CCDC171: variants seen among roughly 807,000 people sequenced by gnomAD.
CCDC171 encodes coiled-coil domain-containing protein 171.
Under a neutral mutation model 168.2 loss-of-function variants are expected in CCDC171, and 177 were observed. That is an observed-to-expected ratio of 1.05 (90% CI 0.93 to 1.19). The LOEUF (loss-of-function observed/expected upper bound fraction) is 1.19. CCDC171 is among the 50% of genes most tolerant of loss of function. The probability of loss-of-function intolerance (pLI) is 0.00; values close to 1 mark genes in which losing one functional copy is unlikely to be tolerated. For missense variants in CCDC171, 1,991 were observed against 1,539.0 expected, an observed-to-expected ratio of 1.29 and a Z score of -4.91; for synonymous variants, 687 against 540.8, an observed-to-expected ratio of 1.27 and a Z score of -3.75.
chr9:16,034,415 C>T (rs968260466), intron 6 of CCDC171, among the ~76,000 whole-genome samples: 1 of 152,180 alleles, frequency 6.6e-6, no homozygotes, highest in Non-Finnish European at 1.5e-5. Flanking sequence ...TGATTTTCAA[C>T]GGGTGGTAAA....
At chr9:15,964,788 C>G (rs539201146) in intron 25 of CCDC171, among the ~76,000 whole-genome samples, 1 of 152,190 alleles carries the variant, frequency 6.6e-6, no homozygotes, top group East Asian at 1.9e-4. Flanking sequence ...GAGACAGAGT[C>G]TCACTCTTGT....
At chr9:15,905,603 A>G (rs966905481) in intron 24 of CCDC171, among the ~76,000 whole-genome samples, 8 of 152,208 alleles carry the variant, frequency 5.3e-5, no homozygotes, top group Non-Finnish European at 8.8e-5. Context: ...TAACATCACA[A>G]TTAAAAGAAC....
Position 15,727,904 on chromosome 9 carries a change from C to G in CCDC171, c.1728C>G (p.His576Gln). 3 of 1,612,758 alleles carry G rather than the reference C, an allele frequency of 1.9e-6. No individual in the cohort carries two copies. Among genetic ancestry groups the G allele is most frequent in the Non-Finnish European group, 2.5e-6 (3 of 1,179,394 alleles). ...CCTTCCTTCACACCTTATATCAGCA[C>G]TTGGTAGCAGGCTGTGTGCTCATAA... is the stretch of plus-strand genomic sequence containing the variant. ...KLTFLHTLYQ[H>Q]LVAGCVLIKQ... is the part of the protein sequence containing the mutation. The change falls in exon 15 of 26, where the codon CAC becomes CAG. Residue 576 changes from histidine to glutamine, a missense_variant. Coordinates refer to ENST00000380701, the MANE Select transcript of CCDC171 (RefSeq NM_173550.4).
Position 16,052,922 on chromosome 9 carries a change from G to T in CCDC171, n.90-7724G>T, listed in dbSNP as rs531504315. 2.6e-5 allele frequency among the ~76,000 whole-genome samples: 4 copies of T among 151,722 alleles called. No homozygotes were observed. The East Asian group carries it at 7.8e-4, about 30-fold the overall frequency. Reference sequence around the variant, plus strand: ...ATTCCCTTTTCCCATCACCCGGCTCGCCGTTCAGCCACATTTAAGTCCACT... The same window carrying T: ...ATTCCCTTTTCCCATCACCCGGCTCTCCGTTCAGCCACATTTAAGTCCACT... On this transcript the variant is annotated intron_variant and non_coding_transcript_variant, in intron 1 of 1. Transcript: ENST00000478913.
chr9:15,974,688 G>T (rs188758638), downstream of CCDC171, among the ~76,000 whole-genome samples: 2 of 152,242 alleles, frequency 1.3e-5, no homozygotes, highest in Admixed American at 6.5e-5. Context: ...TGCAAAAATT[G>T]CCAGTTCAGT....
At chr9:15,968,809 G>T (rs541884940) in intron 25 of CCDC171, among the ~76,000 whole-genome samples, 1 of 152,248 alleles carries the variant, frequency 6.6e-6, no homozygotes, top group East Asian at 1.9e-4. Flanking sequence ...AAAGTGCTGG[G>T]ATTACAAGTG....
intron 21 of CCDC171, among the ~76,000 whole-genome samples, chr9:15,827,385 C>T (rs1160788700): frequency 6.6e-6 from 1 of 152,032 alleles, no homozygotes; most frequent in Non-Finnish European, 1.5e-5. Context: ...CAACTTGAGC[C>T]TCTTCTAGGT....
At chr9:15,871,061 A>G (rs570128067) in intron 23 of CCDC171, among the ~76,000 whole-genome samples, 1 of 151,522 alleles carries the variant, frequency 6.6e-6, no homozygotes, top group South Asian at 2.1e-4. Context: ...TCCTTTCTGA[A>G]AGCATGTAAT....
At chr9:15,556,947 C>G (rs1586932478) in intron 1 of CCDC171, among the ~76,000 whole-genome samples, 1 of 152,128 alleles carries the variant, frequency 6.6e-6, no homozygotes, top group Non-Finnish European at 1.5e-5. Context: ...CCAGTTTCAG[C>G]TTTCTGCATA....
chr9:15,932,181 A>T (rs937458821), intron 25 of CCDC171, among the ~76,000 whole-genome samples: 4 of 151,988 alleles, frequency 2.6e-5, no homozygotes, highest in Admixed American at 2.6e-4. Flanking sequence ...ACTGCATTAC[A>T]TCTATAGATC....
At chr9:15,964,186 T>G (rs1156691191) in intron 25 of CCDC171, among the ~76,000 whole-genome samples, 1 of 152,194 alleles carries the variant, frequency 6.6e-6, no homozygotes, top group African/African-American at 2.4e-5. Flanking sequence ...CTCTTACAAC[T>G]GAACTCAGTC....
At chr9:16,092,804 G>A in the CCDC171 span, among the ~76,000 whole-genome samples, 6 of 152,286 alleles carry the variant, frequency 3.9e-5, no homozygotes, top group South Asian at 4.1e-4. Flanking sequence ...GGTCTCCATG[G>A]ACTGTCACGC....
chr9:15,974,935 C>T (rs1831573873), downstream of CCDC171, among the ~76,000 whole-genome samples: 1 of 152,002 alleles, frequency 6.6e-6, no homozygotes, highest in African/African-American at 2.4e-5. Flanking sequence ...TTTCACTGTG[C>T]ACTTATTCTT....
chr9:15,991,330 C>T (rs995209483), intron 3 of CCDC171, among the ~76,000 whole-genome samples: 1 of 151,926 alleles, frequency 6.6e-6, no homozygotes, highest in Non-Finnish European at 1.5e-5. Context: ...TGAATGACTA[C>T]TGGGTACATA....
chr9:15,716,522 A>G (rs2053099411), intron 11 of CCDC171, among the ~76,000 whole-genome samples: 1 of 152,056 alleles, frequency 6.6e-6, no homozygotes. Flanking sequence ...TTTTTATAAT[A>G]AATTTGGGTG....
intron 21 of CCDC171, among the ~76,000 whole-genome samples, chr9:15,810,356 G>GCCACGGGCAGAGCTGCCTGCCAGTC (rs1392291150): frequency 5.9e-5 from 9 of 152,224 alleles, no homozygotes; most frequent in East Asian, 5.8e-4. Flanking sequence ...CCATGCCAGG[G>GCCACGGGCAGAGCTGCCTGCCAGTC]CCACGGGCAG....
intron 18 of CCDC171, among the ~76,000 whole-genome samples, chr9:15,748,745 A>G (rs1303618702): frequency 6.6e-6 from 1 of 152,204 alleles, no homozygotes; most frequent in African/African-American, 2.4e-5. Flanking sequence ...TGAAGGAGAA[A>G]TAAAATCCTT....
Position 15,779,078 on chromosome 9 carries a change from T to A in CCDC171, c.3009T>A (p.Ser1003Arg), listed in dbSNP as rs1160753878. Residue 1003 changes from serine to arginine, a missense_variant, in exon 20 of 26, where the codon AGT becomes AGA. By Grantham distance (110) the Ser-to-Arg change is moderately radical. Coordinates refer to ENST00000380701, the MANE Select transcript of CCDC171 (RefSeq NM_173550.4). ...LRLEVTEFKR[S>R]VNEMKKELDK... ...TAGAGGTCACAGAATTCAAACGAAG[T>A]GTGAATGAAATGAAAAAGGAGCTTG... The A allele has an allele frequency of 6.2e-7, 1 of 1,604,160 alleles. No homozygotes were observed. The highest frequency in any genetic ancestry group is 1.3e-5 in the African/African-American group (1 of 74,720).
intron 21 of CCDC171, among the ~76,000 whole-genome samples, chr9:15,787,677 A>G (rs998137853): frequency 5.3e-5 from 8 of 152,188 alleles, no homozygotes; most frequent in Non-Finnish European, 1.0e-4. Flanking sequence ...AACCACATAC[A>G]TTAAAAAATG....
Sources: allele counts gnomAD v4.1 joint callset (sites outside exome capture counted in the v4.1 genomes callset), GRCh38; gene constraint gnomAD v4.1.1; transcripts MANE v1.5; gene names NCBI Gene and HGNC (gene_info 2026-07-23, HGNC 2026-07-21).